The following U2SURP variants were observed in gnomAD, a reference collection of about 807,000 sequenced individuals.
U2SURP encodes the protein U2 snRNP-associated SURP motif-containing protein.
Under a neutral mutation model 144.9 loss-of-function variants are expected in U2SURP, and 9 were observed. That is an observed-to-expected ratio of 0.06 (90% confidence interval 0.04 to 0.11). U2SURP has a LOEUF of 0.11. Ranked by LOEUF, U2SURP falls within the 10% of genes least tolerant of loss-of-function variation. The probability of loss-of-function intolerance (pLI) is 1.00; values close to 1 mark genes in which losing one functional copy is unlikely to be tolerated. For synonymous variants in U2SURP, 408 were observed against 396.8 expected (o/e 1.03, Z -0.33); for missense variants, 724 against 1,226.7 (o/e 0.59, Z 6.12).
At chr3:143,021,642 A>G in intron 10 of U2SURP, 87 bp downstream of exon 10, 1 of 1,304,052 alleles carries the variant, frequency 7.7e-7, no homozygotes, top group South Asian at 1.3e-5. Flanking sequence ...AAGATTCTGA[A>G]GCTGACAAAT....
rs547884631 is a variant in U2SURP, at chr3:143,035,863, T to G, written c.1942-119T>G. ...TGATATATAGTTATTTTCTTTAAAG[T>G]TTAAAAAAACATCAGTTTAAAGGCA... is the stretch of plus-strand genomic sequence containing the variant. On this transcript the variant is annotated intron_variant, in intron 19 of 27. Coordinates refer to ENST00000473835, the MANE Select transcript of U2SURP (RefSeq NM_001080415.2). The G allele has an allele frequency of 1.6e-5, 17 of 1,067,482 alleles. No homozygotes were observed. In the South Asian group the frequency reaches 2.1e-4, roughly 13 times the overall value. The allele number at this position is 1,067,482 out of a possible 1,614,324, so 66.1% of individuals were successfully genotyped here. A position where few individuals can be genotyped will look rare whatever the true frequency, so the allele number is the denominator to read the frequency against.
chr3:143,045,762 G>C (rs775812790), intron 24 of U2SURP, among the ~76,000 whole-genome samples: 1 of 152,200 alleles, frequency 6.6e-6, no homozygotes. Flanking sequence ...CAACTTAGTT[G>C]TCTTTCTGGG....
At chr3:143,026,903 A>G (rs1933184179) in intron 13 of U2SURP, 1 of 314,320 alleles carries the variant, frequency 3.2e-6, no homozygotes, top group African/African-American at 2.2e-5. Context: ...TATTACTATG[A>G]GGCTGTATTG....
intron 24 of U2SURP, among the ~76,000 whole-genome samples, chr3:143,043,970 G>A (rs1043839460): frequency 1.3e-5 from 2 of 151,898 alleles, no homozygotes. Context: ...AGCCAGGATG[G>A]TCTTGATCTC....
intron 7 of U2SURP, 140 bp from the exon 8 acceptor site, chr3:143,020,459 C>G (rs1560183125): frequency 1.6e-6 from 1 of 630,458 alleles, no homozygotes; most frequent in East Asian, 2.8e-5. Flanking sequence ...CTGAGGGACC[C>G]TCTAATCTTG....
At chr3:143,005,133 G>A (rs1042234241) in intron 1 of U2SURP, among the ~76,000 whole-genome samples, 20 of 149,798 alleles carry the variant, frequency 1.3e-4, no homozygotes, top group Non-Finnish European at 2.2e-4. Flanking sequence ...TTCACTCTGT[G>A]ACTATGGCTT....
At chr3:143,021,621 CA>C (rs570535652) in intron 10 of U2SURP, 66 bp downstream of exon 10, 82 of 1,427,790 alleles carry the variant, frequency 5.7e-5, no homozygotes, top group South Asian at 8.9e-5. Flanking sequence ...CTTTGTTAGT[CA>C]AAAAAAATCA....
intron 11 of U2SURP, 59 bp from the exon 12 acceptor site, chr3:143,022,794 A>G (rs1438653672): frequency 6.8e-7 from 1 of 1,470,606 alleles, no homozygotes; most frequent in East Asian, 2.4e-5. Flanking sequence ...CTCACCAGAA[A>G]AATTTTGTTT....
rs962544602 is a variant in U2SURP, at chr3:143,039,335, A to G, written c.2384+375A>G. On this transcript the variant is annotated intron_variant, in intron 23 of 27. Transcript: ENST00000473835. The stretch of plus-strand genomic sequence containing the variant: ...TCTTTTGGATTGTACATTCTAAGAA[A>G]AAGATTGCATTATGGCCATTGTGTT... Among the ~76,000 whole-genome samples the G allele has an allele frequency of 2.0e-5, 3 of 152,018 alleles. No homozygotes were observed. In the East Asian group the frequency reaches 5.8e-4, roughly 29 times the overall value.
intron 1 of U2SURP, among the ~76,000 whole-genome samples, chr3:143,008,858 C>T (rs938039212): frequency 1.3e-5 from 2 of 152,204 alleles, no homozygotes; most frequent in African/African-American, 4.8e-5. Flanking sequence ...CTCTGCCTCC[C>T]GGGTTCACAC....
At chr3:143,036,990 G>C (rs1933846585) in intron 20 of U2SURP, 189 bp from the exon 21 acceptor site, 3 of 568,962 alleles carry the variant, frequency 5.3e-6, no homozygotes, top group Non-Finnish European at 8.9e-6. Flanking sequence ...GTGAGCACTT[G>C]GTAAATATTA....
intron 24 of U2SURP, among the ~76,000 whole-genome samples, chr3:143,046,959 C>CA (rs1553846276): frequency 7.6e-6 from 1 of 131,320 alleles, no homozygotes; most frequent in Non-Finnish European, 1.6e-5. Context: ...TGACCTCCCC[C>CA]ACCTCCCTCC....
At chr3:143,046,941 C>A (rs1560203224) in intron 24 of U2SURP, among the ~76,000 whole-genome samples, 2 of 81,438 alleles carry the variant, frequency 2.5e-5, no homozygotes, top group Non-Finnish European at 4.8e-5. Flanking sequence ...GCTGGCCGGG[C>A]AGGGGGCTGA....
At chr3:143,013,274 A>AAG (rs1936203933) in intron 3 of U2SURP, among the ~76,000 whole-genome samples, 1 of 152,082 alleles carries the variant, frequency 6.6e-6, no homozygotes. Context: ...GTTGAAACCA[A>AAG]AGAGACTGAA....
chr3:143,053,346 T>A (rs1934984789), intron 25 of U2SURP, among the ~76,000 whole-genome samples: 1 of 152,184 alleles, frequency 6.6e-6, no homozygotes, highest in Non-Finnish European at 1.5e-5. Flanking sequence ...TCAATTTTCA[T>A]CTCTAGAATG....
At chr3:143,007,828 G>T (rs936508788) in intron 1 of U2SURP, among the ~76,000 whole-genome samples, 1 of 152,318 alleles carries the variant, frequency 6.6e-6, no homozygotes, top group Middle Eastern at 3.4e-3. Flanking sequence ...ATACAGTTCA[G>T]TTCCAGGTTA....
intron 6 of U2SURP, among the ~76,000 whole-genome samples, chr3:143,018,689 G>A (rs942330650): frequency 3.3e-5 from 5 of 151,996 alleles, no homozygotes; most frequent in Non-Finnish European, 4.4e-5. Flanking sequence ...AATGTATGAG[G>A]GTTCCAGTTT....
rs1935258823 is a variant in U2SURP, at chr3:143,058,734, A to AT, written c.*2289dup. 2 of 151,896 alleles carry AT rather than the reference A, an allele frequency of 1.3e-5. No homozygotes were observed. The highest frequency in any genetic ancestry group is 2.1e-4 in the South Asian group (1 of 4,826). The allele number at this position is 151,896 out of a possible 1,614,324, so 9.4% of individuals were successfully genotyped here. A position where few individuals can be genotyped will look rare whatever the true frequency, so the allele number is the denominator to read the frequency against. On this transcript the variant is annotated 3_prime_UTR_variant, in exon 28 of 28. Transcript: ENST00000473835. ...TATAAGGGGGAAGATATTCTACCAT[A>AT]TTTTTATAATAGCTTATTATTCATG...
chr3:143,013,212 T>C (rs1255302942), intron 3 of U2SURP, among the ~76,000 whole-genome samples: 3 of 152,078 alleles, frequency 2.0e-5, no homozygotes, highest in African/African-American at 4.8e-5. Flanking sequence ...TAATTTTTCA[T>C]TGGGTTTCAT....
Sources: gnomAD v4.1 joint callset for allele counts (sites outside exome capture counted in the v4.1 genomes callset) on GRCh38, gnomAD v4.1.1 for gene constraint, MANE v1.5 for transcripts, NCBI Gene and HGNC (gene_info 2026-07-23, HGNC 2026-07-21) for gene names.